MYO9A: variants seen among roughly 807,000 people sequenced by gnomAD.
MYO9A encodes the protein unconventional myosin-IXa.
Under a neutral mutation model 293.3 loss-of-function variants are expected in MYO9A, and 103 were observed. The ratio of observed to expected loss-of-function variants is 0.35; its 90% confidence interval spans 0.30 to 0.41. The LOEUF is 0.41. Ranked by LOEUF, MYO9A falls within the 10% of genes least tolerant of loss-of-function variation. The pLI is 1.00. For missense variants in MYO9A, 2,685 were observed against 3,033.0 expected (o/e 0.89, Z 2.69); for synonymous variants, 1,001 against 1,035.7 (o/e 0.97, Z 0.64).
intron 13 of MYO9A, among the ~76,000 whole-genome samples, chr15:71,966,630 T>C (rs1021591104): frequency 1.3e-5 from 2 of 152,148 alleles, no homozygotes; most frequent in African/African-American, 4.8e-5. Flanking sequence ...AGTCTGTGGA[T>C]GGTTTACCGC....
At chr15:71,949,227 C>T (rs1349274938) in intron 15 of MYO9A, among the ~76,000 whole-genome samples, 3 of 151,924 alleles carry the variant, frequency 2.0e-5, no homozygotes, top group African/African-American at 7.3e-5. Context: ...TGTTTTGAGA[C>T]AGTCTTGCTC....
At chr15:72,001,849 G>C (rs561534167) in intron 8 of MYO9A, among the ~76,000 whole-genome samples, 166 of 151,994 alleles carry the variant, frequency 1.1e-3, no homozygotes, top group Non-Finnish European at 2.2e-3. Context: ...CAACCTTTTA[G>C]ATTTATTTAA....
chr15:71,884,468 G>A (rs1218857465), intron 27 of MYO9A, among the ~76,000 whole-genome samples: 1 of 152,090 alleles, frequency 6.6e-6, no homozygotes, highest in East Asian at 1.9e-4. Flanking sequence ...ACAGGTGATA[G>A]TAACAACTTT....
intron 32 of MYO9A, among the ~76,000 whole-genome samples, chr15:71,873,059 C>T (rs1342767972): frequency 6.6e-6 from 1 of 151,886 alleles, no homozygotes. Context: ...ATTACAGGCG[C>T]CCATCACCAC....
intron 31 of MYO9A, 136 bp downstream of exon 31, chr15:71,877,904 T>G (rs2056743024): frequency 3.0e-6 from 2 of 677,008 alleles, no homozygotes; most frequent in South Asian, 2.2e-5. Flanking sequence ...AAAGTGGCGC[T>G]AAGTTGACAT....
chr15:72,043,824 T>C (rs559583347), intron 2 of MYO9A, among the ~76,000 whole-genome samples: 2 of 152,310 alleles, frequency 1.3e-5, no homozygotes, highest in East Asian at 1.9e-4. Context: ...ACTTTAAATA[T>C]ACGCAGTTTA....
intron 15 of MYO9A, among the ~76,000 whole-genome samples, chr15:71,944,331 T>C (rs1045435891): frequency 3.9e-5 from 6 of 152,252 alleles, no homozygotes; most frequent in East Asian, 1.9e-4. Context: ...TTAAGAAAAG[T>C]AGTTTTCAAA....
intron 1 of MYO9A, among the ~76,000 whole-genome samples, chr15:72,061,810 C>T (rs1364304937): frequency 6.6e-6 from 1 of 152,154 alleles, no homozygotes; most frequent in Non-Finnish European, 1.5e-5. Context: ...AATTCACTAC[C>T]CACTGACTAA....
intron 1 of MYO9A, among the ~76,000 whole-genome samples, chr15:72,110,662 T>C (rs926789071): frequency 2.6e-5 from 4 of 152,140 alleles, no homozygotes; most frequent in Non-Finnish European, 5.9e-5. Flanking sequence ...TAATCTTATA[T>C]GCTAAGACAT....
At chr15:71,938,309 A>C (rs1271633495) in intron 16 of MYO9A, among the ~76,000 whole-genome samples, 1 of 150,706 alleles carries the variant, frequency 6.6e-6, no homozygotes, top group Non-Finnish European at 1.5e-5. Flanking sequence ...TGTTCTCCTC[A>C]TACAAATTAC....
chr15:72,022,312 G>GA (rs1395563905), intron 4 of MYO9A, among the ~76,000 whole-genome samples: 2 of 152,104 alleles, frequency 1.3e-5, no homozygotes, highest in Admixed American at 6.5e-5. Context: ...ACGAGGTCAA[G>GA]AGATCGAGAT....
At chr15:72,028,596 G>A (rs1204262579) in intron 3 of MYO9A, among the ~76,000 whole-genome samples, 6 of 149,762 alleles carry the variant, frequency 4.0e-5, no homozygotes, top group African/African-American at 1.5e-4. Context: ...GCAGTGAGCT[G>A]AGATCATGCC....
chr15:72,114,618 G>A (rs2080902205), intron 1 of MYO9A: 1 of 152,164 alleles, frequency 6.6e-6, no homozygotes, highest in Non-Finnish European at 1.5e-5. Context: ...TTTTGTGGGG[G>A]GAAAAGAGGC....
chr15:71,921,750 C>T (rs1236399876), intron 18 of MYO9A, among the ~76,000 whole-genome samples: 1 of 152,036 alleles, frequency 6.6e-6, no homozygotes, highest in Admixed American at 6.6e-5. Context: ...AAATTCCTTT[C>T]CCTCAATGAT....
intron 11 of MYO9A, among the ~76,000 whole-genome samples, chr15:71,978,919 C>A (rs2076207542): frequency 6.6e-6 from 1 of 151,940 alleles, no homozygotes; most frequent in South Asian, 2.1e-4. Flanking sequence ...TTCTTCTATT[C>A]ATCCTTGTGA....
intron 8 of MYO9A, among the ~76,000 whole-genome samples, chr15:72,004,579 C>A (rs549656012): frequency 6.6e-6 from 1 of 152,084 alleles, no homozygotes; most frequent in Admixed American, 6.6e-5. Context: ...AAAAAAAAAC[C>A]CTATTCTTTA....
chr15:72,113,198 G>C (rs576908390), intron 1 of MYO9A, among the ~76,000 whole-genome samples: 3 of 152,264 alleles, frequency 2.0e-5, no homozygotes, highest in South Asian at 4.1e-4. Context: ...TTTCATTAGA[G>C]GACTATGATA....
At chr15:71,879,326 A>AT (rs1404282750) in intron 30 of MYO9A, among the ~76,000 whole-genome samples, 3 of 152,218 alleles carry the variant, frequency 2.0e-5, no homozygotes, top group African/African-American at 7.2e-5. Context: ...AACTGCCCTA[A>AT]TTCCATTAAA....
chr15:72,023,700 A>G (rs2077574063), intron 4 of MYO9A, among the ~76,000 whole-genome samples: 1 of 150,866 alleles, frequency 6.6e-6, no homozygotes. Flanking sequence ...TGTCTCAAAA[A>G]AAAAAAAAAA....
Sources: gnomAD v4.1 joint callset for allele counts (sites outside exome capture counted in the v4.1 genomes callset) on GRCh38, gnomAD v4.1.1 for gene constraint, MANE v1.5 for transcripts, NCBI Gene and HGNC (gene_info 2026-07-23, HGNC 2026-07-21) for gene names.